Variants in STAB2 observed in about 807,000 individuals in gnomAD.
STAB2 encodes stabilin 2, also known as stabilin-2.
A neutral mutation model predicts 338.1 loss-of-function variants in STAB2; 288 were observed. The observed-to-expected ratio is 0.85, with a 90% CI of 0.77 to 0.94. The LOEUF (loss-of-function observed/expected upper bound fraction) is 0.94. Ranked by LOEUF, STAB2 falls within the 40% of genes least tolerant of loss-of-function variation. The pLI is 0.00. For synonymous variants in STAB2, 1,202 were observed against 1,193.3 expected (o/e 1.01, Z -0.15); for missense variants, 3,141 against 3,210.1 (o/e 0.98, Z 0.52).
chr12:103,708,720 T>C (rs191187426), intron 39 of STAB2, among the ~76,000 whole-genome samples, 184 bp downstream of exon 39: 2 of 152,142 alleles, frequency 1.3e-5, no homozygotes, highest in African/African-American at 4.8e-5. Context: ...AAATCACTCA[T>C]AACCTCAAGG....
intron 9 of STAB2, among the ~76,000 whole-genome samples, chr12:103,647,682 T>C (rs1873437581): frequency 2.0e-5 from 3 of 152,234 alleles, no homozygotes. Context: ...AGTTTGAAAT[T>C]GGTCAAGATT....
Position 103,717,780 on chromosome 12 carries a change from A to G in STAB2, c.4622A>G (p.Asn1541Ser), listed in dbSNP as rs766308655. The change falls in exon 44 of 69, where the codon AAC (asparagine) becomes AGC (serine). Residue 1541 changes from asparagine (N) to serine (S), a missense_variant. Physicochemically the swap from Asn to Ser is conservative, Grantham distance 46. Transcript: ENST00000388887. ...TQTGPNQAAC[N>S]CLPAYTGDGK... ...TCTACTCCTGGACAGGCTGCCTGTAACTGTTTGCCAGCATACACTGGAGAT... is the reference window on the plus strand; with the variant it reads ...TCTACTCCTGGACAGGCTGCCTGTAGCTGTTTGCCAGCATACACTGGAGAT... The G allele has an allele frequency of 2.5e-6, 4 of 1,613,972 alleles. No homozygotes were observed. The South Asian group carries it at 4.4e-5, about 18-fold the overall frequency.
At chr12:103,654,447 G>A in intron 12 of STAB2, 108 bp from the exon 13 acceptor site, 1 of 1,205,456 alleles carries the variant, frequency 8.3e-7, no homozygotes, top group Non-Finnish European at 1.1e-6. Flanking sequence ...AAATCACATT[G>A]CCAATAAATA....
At position 103,653,840 on chromosome 12, in the gene STAB2, GTGGATGGATGGATGGATGGA is replaced by G. The variant is rs148948039; in HGVS notation, c.1408-694_1408-675del. Among the ~76,000 whole-genome samples the G allele has an allele frequency of 6.4e-4, 89 of 139,192 alleles. 2 individuals are homozygous for G. In the East Asian group the frequency reaches 0.018, roughly 29 times the overall value. 91.3% of individuals were successfully genotyped at this position (139,192 alleles called of 152,430 possible). ...GATACATGGATAGGTCACCGGATGG[GTGGATGGATGGATGGATGGA>G]TGGATGGATGGATGGATGGAGAGAT... On this transcript the variant is annotated intron_variant, in intron 12 of 68. Coordinates refer to ENST00000388887, the MANE Select transcript of STAB2 (RefSeq NM_017564.10).
chr12:103,677,520 G>A lies in STAB2; in HGVS notation c.2714G>A (p.Gly905Glu). The change falls in exon 25 of 69, where the codon GGG becomes GAG. Residue 905 changes from glycine to glutamate, a missense_variant. Gly to Glu is a moderately conservative substitution (Grantham distance 98). Coordinates refer to ENST00000388887, the MANE Select transcript of STAB2 (RefSeq NM_017564.10). ...TGTCAGCAGGGTTGGACAGGGAATG[G>A]GAGAGACTGCTCGGAGATCAACAAC... ...CVCQQGWTGN[G>E]RDCSEINNCL... The A allele has an allele frequency of 6.2e-7, 1 of 1,614,188 alleles. No individual in the cohort carries two copies. The highest frequency in any genetic ancestry group is 8.5e-7 in the Non-Finnish European group (1 of 1,180,006).
chr12:103,667,534 A>G (rs1278377884), intron 19 of STAB2, among the ~76,000 whole-genome samples: 4 of 152,216 alleles, frequency 2.6e-5, no homozygotes, highest in Non-Finnish European at 4.4e-5. Flanking sequence ...GCCCAGGGAA[A>G]GAGAAGGAAG....
At chr12:103,631,457 T>G in intron 5 of STAB2, 141 bp from the exon 6 acceptor site, 1 of 590,410 alleles carries the variant, frequency 1.7e-6, no homozygotes. Context: ...AAAAAAAACC[T>G]GGTGCTGATA....
chr12:103,756,981 C>A (rs1884146419), intron 63 of STAB2, among the ~76,000 whole-genome samples: 1 of 98,374 alleles, frequency 1.0e-5, no homozygotes, highest in African/African-American at 3.8e-5. Flanking sequence ...GCCTCAGTAG[C>A]CCAGAAGGAG....
chr12:103,621,928 A>T lies in STAB2; in HGVS notation c.418-114A>T, dbSNP rs188257744. ...AAACAGAAAGAAGAAGCTCCAGGAT[A>T]GGCACAGAGGGAAAATATATTTGAA... On this transcript the variant is annotated intron_variant, in intron 4 of 68. Coordinates refer to ENST00000388887, the MANE Select transcript of STAB2 (RefSeq NM_017564.10). The T allele has an allele frequency of 4.6e-5, 41 of 883,254 alleles. No individual in the cohort carries two copies. The Admixed American group carries it at 6.5e-4, about 14-fold the overall frequency. The allele number at this position is 883,254 out of a possible 1,614,324, so 54.7% of individuals were successfully genotyped here.
Position 103,652,700 on chromosome 12 carries a change from G to T in STAB2, c.1402G>T (p.Asp468Tyr). The T allele has an allele frequency of 6.3e-7, 1 of 1,598,122 alleles. No homozygotes were observed. The highest frequency in any genetic ancestry group is 8.5e-7 in the Non-Finnish European group (1 of 1,173,234). The change falls in exon 12 of 69, where the codon GAT (aspartate) becomes TAT (tyrosine). Residue 468 changes from aspartate (D) to tyrosine (Y), a missense_variant. Coordinates refer to ENST00000388887, the MANE Select transcript of STAB2 (RefSeq NM_017564.10). ...TGKSGEIFNS[D>Y]KDNQIKLKLH... ...AAAGTCGGGGGAAATCTTCAACAGC[G>T]ATAAGGTAAGGGTTCCTCTGATTTT... is the stretch of plus-strand genomic sequence containing the variant.
chr12:103,675,978 T>G lies in STAB2; in HGVS notation c.2603T>G (p.Met868Arg), dbSNP rs1172813565. Residue 868 changes from methionine to arginine, a missense_variant, in exon 24 of 69, where the codon ATG (methionine) becomes AGG (arginine). Physicochemically the swap from Met to Arg is moderately conservative, Grantham distance 91 (BLOSUM62 -1). Coordinates refer to ENST00000388887, the MANE Select transcript of STAB2 (RefSeq NM_017564.10). ...YEGDGTLCSE[M>R]DPCTGLTPGG... ...GGAGATGGAACTCTGTGTTCTGAGA[T>G]GGACCCTTGCACAGGACTAACTCCA... is the stretch of plus-strand genomic sequence containing the variant. 6 of 1,613,516 alleles carry G rather than the reference T, an allele frequency of 3.7e-6. No individual in the cohort carries two copies. The highest frequency in any genetic ancestry group is 5.1e-6 in the Non-Finnish European group (6 of 1,179,884).
chr12:103,713,812 C>T, intron 42 of STAB2, 44 bp downstream of exon 42: 1 of 1,607,900 alleles, frequency 6.2e-7, no homozygotes, highest in Non-Finnish European at 8.5e-7. Flanking sequence ...GTATAAGAGT[C>T]ATAGCCCTAT....
intron 25 of STAB2, among the ~76,000 whole-genome samples, chr12:103,682,095 T>C (rs955265703): frequency 2.0e-5 from 3 of 151,962 alleles, no homozygotes; most frequent in African/African-American, 7.3e-5. Flanking sequence ...TCTTACAGTA[T>C]CTGTCTCCTC....
At chr12:103,592,050 A>T (rs921352391) in intron 2 of STAB2, 1 of 152,202 alleles carries the variant, frequency 6.6e-6, no homozygotes, top group Non-Finnish European at 1.5e-5. Flanking sequence ...TAAAATCAAA[A>T]TCATCATTTT....
chr12:103,671,297 C>CA (rs1875761531), intron 22 of STAB2, among the ~76,000 whole-genome samples: 1 of 152,180 alleles, frequency 6.6e-6, no homozygotes, highest in East Asian at 1.9e-4. Flanking sequence ...ACTAAAAATA[C>CA]AAAAATTAGC....
In STAB2 at chr12:103,690,469, C is replaced by T; in HGVS notation, c.3228C>T (p.Thr1076=). 6.2e-7 allele frequency: 1 copy of T among 1,614,062 alleles called. No individual in the cohort carries two copies. The highest frequency in any genetic ancestry group is 8.5e-7 in the Non-Finnish European group (1 of 1,179,950). ...LGTYRVADLQ[T]LSSSDMLATS... is the part of the protein sequence containing the mutation. ...CATACAGAGTGGCAGATCTGCAGACCCTGTCTTCTTCTGACATGTTGGCAA... is the reference window on the plus strand; with the variant it reads ...CATACAGAGTGGCAGATCTGCAGACTCTGTCTTCTTCTGACATGTTGGCAA... The change falls in exon 30 of 69, where the codon ACC becomes ACT. Residue 1076 remains threonine (T), a synonymous_variant. Transcript: ENST00000388887.
At chr12:103,596,952 CAAAAAAAAAAA>C (rs35439238) in intron 3 of STAB2, among the ~76,000 whole-genome samples, 9 of 64,480 alleles carry the variant, frequency 1.4e-4, no homozygotes, top group Admixed American at 8.1e-4. Context: ...GACCCTATCT[CAAAAAAAAAAA>C]AAAAAAAAAA....
At chr12:103,673,881 G>A (rs371825004) in intron 22 of STAB2, 26 bp from the exon 23 acceptor site, 60 of 1,600,000 alleles carry the variant, frequency 3.7e-5, no homozygotes, top group South Asian at 2.0e-4. Flanking sequence ...AGGCCTGGAC[G>A]GATGTCCCTC....
intron 3 of STAB2, among the ~76,000 whole-genome samples, chr12:103,601,849 T>C (rs1164555959): frequency 2.0e-5 from 3 of 152,222 alleles, no homozygotes; most frequent in Non-Finnish European, 2.9e-5. Context: ...GAATAAACTA[T>C]AGAAAAGGAT....
Sources: gnomAD v4.1 joint callset for allele counts (sites outside exome capture counted in the v4.1 genomes callset) on GRCh38, gnomAD v4.1.1 for gene constraint, MANE v1.5 for transcripts, NCBI Gene and HGNC (gene_info 2026-07-23, HGNC 2026-07-21) for gene names.